The following HECTD2 variants were observed in gnomAD, a reference collection of about 807,000 sequenced individuals.
The protein encoded by HECTD2 is HECT domain E3 ubiquitin protein ligase 2.
HECTD2 carries 35 observed loss-of-function variants against 103.2 expected under a neutral mutation model. The ratio of observed to expected loss-of-function variants is 0.34; its 90% CI spans 0.26 to 0.45. HECTD2 has a LOEUF of 0.45. Ranked by LOEUF, HECTD2 falls within the 20% of genes least tolerant of loss-of-function variation. The pLI is 1.00. For synonymous variants in HECTD2, 281 were observed against 329.9 expected (o/e 0.85, Z 1.61); for missense variants, 596 against 937.4 (o/e 0.64, Z 4.76).
chr10:91,482,980 A>G lies in HECTD2; in HGVS notation c.725A>G (p.Asn242Ser). 6.6e-7 allele frequency: 1 copy of G among 1,506,776 alleles called. No homozygotes were observed. Among genetic ancestry groups the G allele is most frequent in the Non-Finnish European group, 9.1e-7 (1 of 1,094,736 alleles). 93.3% of individuals were successfully genotyped at this position (1,506,776 alleles called of 1,614,324 possible). Residue 242 changes from asparagine (N) to serine (S), a missense_variant, in exon 8 of 21, where the codon AAT becomes AGT. Asn to Ser is a conservative substitution (Grantham distance 46). This residue lies in a region of HECTD2 where 303 missense variants were observed against 522.5 expected (regional missense o/e 0.58). Transcript: ENST00000298068. The part of the protein sequence containing the change: ...YFILLQNPQF[N>S]NTSTYVIYAH... Reference sequence around the variant, plus strand: ...TATCTTTTTCAGAATCCTCAGTTTAATAACACATCTACGTATGTCATCTAT... The same window carrying G: ...TATCTTTTTCAGAATCCTCAGTTTAGTAACACATCTACGTATGTCATCTAT...
rs1279720373 is a variant in HECTD2, at chr10:91,514,792, CAATT to C, written c.*2415_*2418del. The C allele has an allele frequency of 2.0e-5, 3 of 152,428 alleles. No individual in the cohort carries two copies. The highest frequency in any genetic ancestry group is 1.9e-4 in the East Asian group (1 of 5,186). 9.4% of individuals were successfully genotyped at this position (152,428 alleles called of 1,614,324 possible). On this transcript the variant is annotated 3_prime_UTR_variant, in exon 21 of 21. Coordinates refer to ENST00000298068, the MANE Select transcript of HECTD2 (RefSeq NM_182765.6). ...TCAGTTTATTTTTTGAACACTTGGGCAATTAATTAAAGCCATATGTTTAAAATAT... is the reference window on the plus strand; with the variant it reads ...TCAGTTTATTTTTTGAACACTTGGGCAATTAAAGCCATATGTTTAAAATAT...
At chr10:91,450,690 A>C (rs77814765) in intron 2 of HECTD2, among the ~76,000 whole-genome samples, 3 of 145,616 alleles carry the variant, frequency 2.1e-5, no homozygotes, top group East Asian at 2.0e-4. Context: ...AAAAAAAAAA[A>C]CCATCAAAAA....
At chr10:91,431,487 T>G (rs553515837) in intron 2 of HECTD2, among the ~76,000 whole-genome samples, 1 of 152,280 alleles carries the variant, frequency 6.6e-6, no homozygotes, top group South Asian at 2.1e-4. Flanking sequence ...TCCAACTTGG[T>G]TCCATTCTCC....
At chr10:91,414,162 G>A (rs1446408668) in intron 1 of HECTD2, among the ~76,000 whole-genome samples, 1 of 152,166 alleles carries the variant, frequency 6.6e-6, no homozygotes, top group Non-Finnish European at 1.5e-5. Context: ...TCTACATGGG[G>A]TAGAACCCTC....
chr10:91,477,319 A>T (rs530511871), intron 5 of HECTD2, among the ~76,000 whole-genome samples: 1 of 152,192 alleles, frequency 6.6e-6, no homozygotes, highest in Non-Finnish European at 1.5e-5. Context: ...AGTTGTCTTG[A>T]AGTGTAGAGA....
At chr10:91,423,546 T>A (rs1434434021) in intron 1 of HECTD2, among the ~76,000 whole-genome samples, 2 of 152,130 alleles carry the variant, frequency 1.3e-5, no homozygotes, top group Non-Finnish European at 2.9e-5. Context: ...GTTTTTACTT[T>A]ACTCATGGAA....
chr10:91,447,717 AAAG>A (rs1160161910), intron 2 of HECTD2, among the ~76,000 whole-genome samples: 11 of 72,988 alleles, frequency 1.5e-4, no homozygotes, highest in African/African-American at 7.9e-4. Flanking sequence ...AAAGAAAAAA[AAAG>A]AAAAAAAAAA....
chr10:91,490,034 A>G (rs1564732008), intron 11 of HECTD2: 1 of 152,172 alleles, frequency 6.6e-6, no homozygotes, highest in African/African-American at 2.4e-5. Flanking sequence ...ATTTTTAAAT[A>G]TATTGTTTTT....
At chr10:91,454,813 T>C (rs1251275598) in intron 2 of HECTD2, among the ~76,000 whole-genome samples, 1 of 151,256 alleles carries the variant, frequency 6.6e-6, no homozygotes, top group Non-Finnish European at 1.5e-5. Flanking sequence ...AGTGAGAACA[T>C]GCGGTGTTTG....
At chr10:91,493,575 T>C in intron 14 of HECTD2, 67 bp downstream of exon 14, 1 of 818,738 alleles carries the variant, frequency 1.2e-6, no homozygotes, top group Non-Finnish European at 1.9e-6. Context: ...TTATCTGTAT[T>C]TTAGAAAACT....
intron 5 of HECTD2, among the ~76,000 whole-genome samples, chr10:91,467,704 C>T (rs1845580367): frequency 6.6e-6 from 1 of 151,922 alleles, no homozygotes; most frequent in South Asian, 2.1e-4. Flanking sequence ...AGCCACCTTC[C>T]CACTGCTTTG....
At chr10:91,474,058 T>C (rs1186205842) in intron 5 of HECTD2, among the ~76,000 whole-genome samples, 1 of 152,160 alleles carries the variant, frequency 6.6e-6, no homozygotes, top group Non-Finnish European at 1.5e-5. Flanking sequence ...AGAGGAAGCT[T>C]ATTGGAATTA....
Position 91,425,403 on chromosome 10 carries a change from C to A in HECTD2, c.261C>A (p.Ile87=), listed in dbSNP as rs1843520099. 2 of 1,531,154 alleles carry A rather than the reference C, an allele frequency of 1.3e-6. No individual in the cohort carries two copies. The highest frequency in any genetic ancestry group is 2.3e-5 in the East Asian group (1 of 42,744). The allele number at this position is 1,531,154 out of a possible 1,614,324, so 94.8% of individuals were successfully genotyped here. A position where few individuals can be genotyped will look rare whatever the true frequency, so the allele number is the denominator to read the frequency against. The change falls in exon 2 of 21, where the codon ATC becomes ATA. Residue 87 remains isoleucine (I), a synonymous_variant. Transcript: ENST00000298068. ...CTGCACATCTTGTTTTCCCTAACAT[C>A]AAGAATGGTAAATAATTTTTAAATA... ...SSPAHLVFPN[I]KNVREPPPIC...
intron 5 of HECTD2, among the ~76,000 whole-genome samples, chr10:91,473,039 T>G (rs1845781429): frequency 6.6e-6 from 1 of 152,118 alleles, no homozygotes; most frequent in African/African-American, 2.4e-5. Flanking sequence ...GTCTAAAAAT[T>G]ATGGCACAGA....
chr10:91,439,724 T>A (rs574945553), intron 2 of HECTD2, among the ~76,000 whole-genome samples: 3 of 152,316 alleles, frequency 2.0e-5, no homozygotes, highest in African/African-American at 7.2e-5. Flanking sequence ...GGATGGAATG[T>A]TTTTCCCTTT....
intron 2 of HECTD2, among the ~76,000 whole-genome samples, chr10:91,437,824 G>T (rs1844197698): frequency 6.6e-6 from 1 of 151,716 alleles, no homozygotes; most frequent in African/African-American, 2.4e-5. Context: ...AAACTTTTTG[G>T]TAGGTTTATG....
chr10:91,479,608 G>A (rs1240913420), intron 6 of HECTD2, among the ~76,000 whole-genome samples: 5 of 152,082 alleles, frequency 3.3e-5, no homozygotes, highest in Non-Finnish European at 5.9e-5. Context: ...CTCCAAGAAT[G>A]GTTGTTTATG....
chr10:91,485,260 A>T lies in HECTD2; in HGVS notation c.1051A>T (p.Met351Leu). ...TTCTACATTGGATCACATTGATCTCATGGAAGAATATCATACTTGGCAAAA... is the reference window on the plus strand; with the variant it reads ...TTCTACATTGGATCACATTGATCTCTTGGAAGAATATCATACTTGGCAAAA... The part of the protein sequence containing the change: ...YNSTLDHIDL[M>L]EEYHTWQNFG... Residue 351 changes from methionine to leucine, a missense_variant, in exon 10 of 21, where the codon ATG becomes TTG. Physicochemically the swap from Met to Leu is conservative, Grantham distance 15. Around this residue, in one of 4 missense-constraint regions of HECTD2, gnomAD observed 303 missense variants for 522.5 expected, o/e 0.58. Transcript: ENST00000298068. The T allele has an allele frequency of 1.3e-6, 2 of 1,595,646 alleles. No homozygotes were observed. The highest frequency in any genetic ancestry group is 1.7e-6 in the Non-Finnish European group (2 of 1,172,008).
intron 5 of HECTD2, among the ~76,000 whole-genome samples, chr10:91,469,432 AGAT>A (rs1845648652): frequency 6.6e-6 from 1 of 152,368 alleles, no homozygotes; most frequent in Non-Finnish European, 1.5e-5. Flanking sequence ...AAGACAGAAG[AGAT>A]TGGGAGCCTA....
Sources: gnomAD v4.1 joint callset for allele counts (sites outside exome capture counted in the v4.1 genomes callset) on GRCh38, gnomAD v4.1.1 for gene constraint, gnomAD v4.1.1 regional missense constraint, MANE v1.5 for transcripts, NCBI Gene and HGNC (gene_info 2026-07-23, HGNC 2026-07-21) for gene names.